NCKAP5: variants seen among roughly 807,000 people sequenced by gnomAD.
The protein encoded by NCKAP5 is nck-associated protein 5.
NCKAP5 carries 92 observed loss-of-function variants against 167.0 expected under a neutral mutation model. That is an observed-to-expected ratio of 0.55 (90% CI 0.47 to 0.66). The LOEUF (loss-of-function observed/expected upper bound fraction) is 0.66. Ranked by LOEUF, NCKAP5 falls within the 30% of genes least tolerant of loss-of-function variation. The probability of loss-of-function intolerance (pLI) is 0.00; values close to 1 mark genes in which losing one functional copy is unlikely to be tolerated. For missense variants in NCKAP5, 2,378 were observed against 2,315.0 expected, an observed-to-expected ratio of 1.03 and a Z score of -0.56; for synonymous variants, 891 against 877.4, an observed-to-expected ratio of 1.02 and a Z score of -0.27.
At chr2:133,299,200 A>G (rs1680179589) in intron 4 of NCKAP5, among the ~76,000 whole-genome samples, 1 of 152,186 alleles carries the variant, frequency 6.6e-6, no homozygotes, top group Admixed American at 6.5e-5. Flanking sequence ...CAGTATAAAA[A>G]CAAATATAAG....
rs572775860 is a variant in NCKAP5 at position 133,016,811 on chromosome 2, T to C, written c.342-22572A>G. ...AACCTCACCAAGAAGATGTCAGCTT[T>C]CCTCACTAAAAAAAAAATGTATTTT... is the stretch of plus-strand genomic sequence containing the variant. On this transcript the variant is annotated intron_variant, in intron 6 of 19. Transcript: ENST00000409261. 2.6e-3 allele frequency among the ~76,000 whole-genome samples: 393 copies of C among 152,280 alleles called. 3 individuals carry two copies. Among genetic ancestry groups the C allele is most frequent in the African/African-American group, 8.9e-3 (370 of 41,556 alleles).
At chr2:133,466,025 T>G (rs1391419082) in intron 3 of NCKAP5, among the ~76,000 whole-genome samples, 2 of 151,850 alleles carry the variant, frequency 1.3e-5, no homozygotes, top group African/African-American at 2.4e-5. Context: ...GAGATCCCAT[T>G]TGTCAATTTT....
At chr2:133,278,735 C>A (rs557689500) in intron 4 of NCKAP5, among the ~76,000 whole-genome samples, 1 of 136,868 alleles carries the variant, frequency 7.3e-6, no homozygotes, top group Admixed American at 7.6e-5. Context: ...TGGGAGAAAA[C>A]ATTTGTAGTG....
At chr2:133,334,382 T>C (rs912950920) in intron 3 of NCKAP5, among the ~76,000 whole-genome samples, 7 of 152,202 alleles carry the variant, frequency 4.6e-5, no homozygotes, top group Non-Finnish European at 8.8e-5. Context: ...GGGCATGCCA[T>C]GCGACAGATG....
At chr2:132,896,248 C>T (rs1693194008) in intron 8 of NCKAP5, among the ~76,000 whole-genome samples, 1 of 152,188 alleles carries the variant, frequency 6.6e-6, no homozygotes, top group Non-Finnish European at 1.5e-5. Flanking sequence ...AAATGAATCC[C>T]ATTCTAGAAA....
intron 4 of NCKAP5, among the ~76,000 whole-genome samples, chr2:133,246,705 T>C (rs1433130247): frequency 6.6e-6 from 1 of 152,226 alleles, no homozygotes; most frequent in Non-Finnish European, 1.5e-5. Flanking sequence ...ATAAAATGTG[T>C]TTCTCACTGC....
At chr2:133,481,220 G>T (rs1485091584) in intron 3 of NCKAP5, among the ~76,000 whole-genome samples, 2 of 152,132 alleles carry the variant, frequency 1.3e-5, no homozygotes, top group Non-Finnish European at 2.9e-5. Flanking sequence ...CAGTCATCTG[G>T]CAGTGATTCA....
chr2:132,809,545 G>A (rs184337054), intron 11 of NCKAP5, among the ~76,000 whole-genome samples: 82 of 152,142 alleles, frequency 5.4e-4, no homozygotes, highest in African/African-American at 1.8e-3. Flanking sequence ...TTTAACTGCC[G>A]ATGCTTTAAA....
intron 2 of NCKAP5, among the ~76,000 whole-genome samples, chr2:133,521,231 G>A (rs1018855763): frequency 2.6e-5 from 4 of 152,204 alleles, no homozygotes; most frequent in African/African-American, 9.7e-5. Context: ...GATTACCTGG[G>A]CCATTTGTAC....
chr2:133,127,151 C>A (rs370775709), intron 6 of NCKAP5, among the ~76,000 whole-genome samples: 3 of 152,106 alleles, frequency 2.0e-5, no homozygotes, highest in East Asian at 1.9e-4. Flanking sequence ...TGGATGCTAA[C>A]CCCGTCCAAG....
the NCKAP5 span, among the ~76,000 whole-genome samples, chr2:133,603,617 C>A: frequency 2.0e-5 from 3 of 152,162 alleles, no homozygotes; most frequent in Non-Finnish European, 4.4e-5. Flanking sequence ...CAGCTCACTG[C>A]AACCTCTGCC....
In NCKAP5 at chr2:132,887,823, A is replaced by G. The variant is rs1692376334; in HGVS notation, c.580-8907T>C. On this transcript the variant is annotated intron_variant, in intron 8 of 19. Coordinates refer to ENST00000409261, the MANE Select transcript of NCKAP5 (RefSeq NM_207363.3). ...CAACATACTCCACTAATTTTTAAAA[A>G]CATTTTTGTAGAGATAAGGTATTGC... Among the ~76,000 whole-genome samples the G allele has an allele frequency of 2.0e-5, 3 of 152,114 alleles. No homozygotes were observed. In the South Asian group the frequency reaches 6.2e-4, roughly 32 times the overall value.
At chr2:133,518,269 T>C in intron 2 of NCKAP5, among the ~76,000 whole-genome samples, 1 of 151,444 alleles carries the variant, frequency 6.6e-6, no homozygotes, top group Admixed American at 6.6e-5. Flanking sequence ...ATTCATCATA[T>C]ATGTTAAGTG....
intron 6 of NCKAP5, among the ~76,000 whole-genome samples, chr2:133,094,096 G>T (rs2081273545): frequency 1.3e-5 from 2 of 152,320 alleles, no homozygotes; most frequent in Admixed American, 1.3e-4. Context: ...ATGGCTATTT[G>T]CCAAGCAATA....
At chr2:132,910,095 T>C (rs1195515479) in intron 8 of NCKAP5, among the ~76,000 whole-genome samples, 1 of 152,074 alleles carries the variant, frequency 6.6e-6, no homozygotes, top group Non-Finnish European at 1.5e-5. Flanking sequence ...AACCATAATA[T>C]TTTAAATTTT....
intron 6 of NCKAP5, among the ~76,000 whole-genome samples, chr2:133,093,821 A>G (rs2081264813): frequency 6.6e-6 from 1 of 152,228 alleles, no homozygotes; most frequent in South Asian, 2.1e-4. Flanking sequence ...TCATATTTCT[A>G]AAACCTAAAC....
intron 13 of NCKAP5, 143 bp from the exon 14 acceptor site, chr2:132,785,861 A>G (rs1371244305): frequency 3.3e-6 from 2 of 598,126 alleles, no homozygotes; most frequent in Non-Finnish European, 5.0e-6. Flanking sequence ...TAGCTAATTA[A>G]TTTATTCACA....
chr2:133,543,703 A>C (rs1319748185), intron 2 of NCKAP5, among the ~76,000 whole-genome samples: 1 of 152,172 alleles, frequency 6.6e-6, no homozygotes, highest in Non-Finnish European at 1.5e-5. Flanking sequence ...AAATCTACCA[A>C]ATTTGGGGTC....
At chr2:132,974,435 GA>G (rs1424215467) in intron 7 of NCKAP5, among the ~76,000 whole-genome samples, 1 of 152,192 alleles carries the variant, frequency 6.6e-6, no homozygotes, top group Non-Finnish European at 1.5e-5. Context: ...TAAACCAAGT[GA>G]GTTCAGACAT....
Sources: allele counts gnomAD v4.1 joint callset (sites outside exome capture counted in the v4.1 genomes callset), GRCh38; gene constraint gnomAD v4.1.1; transcripts MANE v1.5; gene names NCBI Gene and HGNC (gene_info 2026-07-23, HGNC 2026-07-21).